The following ALG9 variants were observed in gnomAD, a reference collection of about 807,000 sequenced individuals.
The protein encoded by ALG9 is ALG9 alpha-1,2-mannosyltransferase.
A neutral mutation model predicts 81.8 loss-of-function variants in ALG9; 55 were observed. That is an observed-to-expected ratio of 0.67 (90% confidence interval 0.54 to 0.84). The LOEUF (loss-of-function observed/expected upper bound fraction) is 0.84. Among genes scored for constraint, ALG9 ranks in the 40% least tolerant of loss-of-function variants. ALG9 has a pLI of 0.00. For synonymous variants in ALG9, 278 were observed against 274.3 expected (o/e 1.01, Z -0.13); for missense variants, 629 against 745.0 (o/e 0.84, Z 1.81).
chr11:111,836,066 T>C, intron 13 of ALG9, 99 bp downstream of exon 13: 1 of 1,566,398 alleles, frequency 6.4e-7, no homozygotes, highest in Non-Finnish European at 8.8e-7. Context: ...AATTGCTTTC[T>C]AAGAAATTCT....
intron 14 of ALG9, among the ~76,000 whole-genome samples, chr11:111,808,056 G>A (rs1950186385): frequency 6.6e-6 from 1 of 152,150 alleles, no homozygotes; most frequent in Non-Finnish European, 1.5e-5. Flanking sequence ...GTGACAGAGT[G>A]AGACTATCTC....
chr11:111,870,302 G>A lies in ALG9; in HGVS notation c.200C>T (p.Ser67Leu), dbSNP rs1443896823. Residue 67 changes from serine to leucine, a missense_variant, in exon 2 of 15, where the codon TCA (serine) becomes TTA (leucine). Around this residue, in one of 3 missense-constraint regions of ALG9, gnomAD observed 344 missense variants for 390.5 expected, o/e 0.88. Transcript: ENST00000616540. ...CAGGAGAGCAGCACATAACCTTGCT[G>A]AAAGCAGACACTTGAAAGCAGTAGA... The part of the protein sequence containing the change: ...EGSTAFKCLL[S>L]ARLCAALLSN... 1 of 1,586,790 alleles carries A rather than the reference G, an allele frequency of 6.3e-7. No homozygotes were observed. Among genetic ancestry groups the A allele is most frequent in the Non-Finnish European group, 8.6e-7 (1 of 1,167,784 alleles).
intron 14 of ALG9, among the ~76,000 whole-genome samples, chr11:111,789,571 G>A (rs1591789396): frequency 6.6e-6 from 1 of 151,654 alleles, no homozygotes; most frequent in Non-Finnish European, 1.5e-5. Context: ...GTTGGACGCG[G>A]TGGCTCATGC....
chr11:111,855,289 GGTCA>G (rs1555142337), intron 6 of ALG9, among the ~76,000 whole-genome samples: 2 of 152,192 alleles, frequency 1.3e-5, no homozygotes, highest in East Asian at 1.9e-4. Flanking sequence ...TACAAAAACA[GGTCA>G]GTCGGCCAAC....
At position 111,840,660 on chromosome 11, in the gene ALG9, G is replaced by A; in HGVS notation, c.1168C>T (p.Leu390Phe). 1 of 1,613,988 alleles carries A rather than the reference G, an allele frequency of 6.2e-7. No individual in the cohort carries two copies. The highest frequency in any genetic ancestry group is 8.5e-7 in the Non-Finnish European group (1 of 1,179,960). Residue 390 changes from leucine (L) to phenylalanine (F), a missense_variant, in exon 10 of 15, where the codon CTT becomes TTT. Transcript: ENST00000616540. The part of the protein sequence containing the change: ...CLCGAVALSA[L>F]QHSFLYFQKC... ...CACTTCTCCCTGAAACTCACCTGAA[G>A]TGCAGAGAGAGCCACAGCGCCACAG...
chr11:111,808,625 G>A (rs1256276057), intron 14 of ALG9, among the ~76,000 whole-genome samples: 1 of 152,040 alleles, frequency 6.6e-6, no homozygotes, highest in African/African-American at 2.4e-5. Flanking sequence ...TGCTTACTTC[G>A]TCTTTCTGGA....
chr11:111,782,220 C>CT lies in ALG9; in HGVS notation c.*4176dup, dbSNP rs1464841479. ...TCAAACTGCTACAATTTATTTAACT[C>CT]TTTCTTTCACAGGAAATATAAGTAT... On this transcript the variant is annotated 3_prime_UTR_variant, in exon 15 of 15. Coordinates refer to ENST00000616540, the MANE Select transcript of ALG9 (RefSeq NM_024740.2). The CT allele has an allele frequency of 1.3e-5, 2 of 152,212 alleles. No individual in the cohort carries two copies. Among genetic ancestry groups the CT allele is most frequent in the African/African-American group, 2.4e-5 (1 of 41,454 alleles). 9.4% of individuals were successfully genotyped at this position (152,212 alleles called of 1,614,324 possible). A position where few individuals can be genotyped will look rare whatever the true frequency, so the allele number is the denominator to read the frequency against.
At chr11:111,836,334 A>T in intron 12 of ALG9, 40 bp from the exon 13 acceptor site, 1 of 1,611,986 alleles carries the variant, frequency 6.2e-7, no homozygotes, top group South Asian at 1.1e-5. Flanking sequence ...ACACAGGGGG[A>T]TAATATTGCT....
chr11:111,833,148 G>A (rs531222101), intron 13 of ALG9, among the ~76,000 whole-genome samples: 5 of 152,074 alleles, frequency 3.3e-5, no homozygotes, highest in African/African-American at 1.2e-4. Context: ...TTCCTCCAAG[G>A]TTTCATCCAT....
intron 14 of ALG9, among the ~76,000 whole-genome samples, chr11:111,808,014 G>A (rs1226058755): frequency 1.3e-5 from 2 of 152,178 alleles, no homozygotes; most frequent in Admixed American, 1.3e-4. Context: ...AGGTTACAGT[G>A]AGCTGAGATT....
At chr11:111,860,087 C>T (rs1566198430) in intron 5 of ALG9, among the ~76,000 whole-genome samples, 1 of 152,142 alleles carries the variant, frequency 6.6e-6, no homozygotes, top group Non-Finnish European at 1.5e-5. Flanking sequence ...AATAATGTAT[C>T]ATCAGTAGAA....
At chr11:111,839,869 T>G (rs1555121931) in intron 10 of ALG9, among the ~76,000 whole-genome samples, 2 of 152,110 alleles carry the variant, frequency 1.3e-5, no homozygotes, top group African/African-American at 4.8e-5. Context: ...TATGTTTCCA[T>G]GTATAGGAAA....
At chr11:111,836,402 A>C in intron 12 of ALG9, 108 bp from the exon 13 acceptor site, 3 of 1,450,280 alleles carry the variant, frequency 2.1e-6, no homozygotes, top group Non-Finnish European at 2.8e-6. Context: ...TCTCTTGAAG[A>C]AAAAATATTT....
At chr11:111,806,212 T>C (rs1305644644) in intron 14 of ALG9, among the ~76,000 whole-genome samples, 4 of 152,178 alleles carry the variant, frequency 2.6e-5, no homozygotes, top group African/African-American at 9.7e-5. Flanking sequence ...TCACTTTTCC[T>C]GACACCCACC....
At chr11:111,808,587 G>C (rs552758193) in intron 14 of ALG9, among the ~76,000 whole-genome samples, 26 of 152,200 alleles carry the variant, frequency 1.7e-4, no homozygotes, top group African/African-American at 6.3e-4. Flanking sequence ...TCAATATTCT[G>C]TTTCCTCAGG....
At chr11:111,838,463 AGCG>A in intron 10 of ALG9, 64 bp from the exon 11 acceptor site, 2 of 1,442,158 alleles carry the variant, frequency 1.4e-6, no homozygotes, top group African/African-American at 1.4e-5. Context: ...TAACATCAAG[AGCG>A]AAGCCAAAAA....
At position 111,844,665 on chromosome 11, in the gene ALG9, A is replaced by G. The variant is rs1272245724; in HGVS notation, c.954T>C (p.Phe318=). 8 of 1,613,970 alleles carry G rather than the reference A, an allele frequency of 5.0e-6. No individual in the cohort carries two copies. Among genetic ancestry groups the G allele is most frequent in the Non-Finnish European group, 6.8e-6 (8 of 1,179,936 alleles). ...INGFLNFNVA[F]ALALLVLPLT... is the part of the protein sequence containing the mutation. ...GTGGTAGGACTAGGAGAGCCAAAGC[A>G]AAGGCTACATTGAAATTCAGAAATC... The change falls in exon 9 of 15, where the codon TTT becomes TTC. Residue 318 remains phenylalanine, a synonymous_variant. Transcript: ENST00000616540.
intron 12 of ALG9, 113 bp downstream of exon 12, chr11:111,837,355 T>C (rs1428333264): frequency 2.0e-5 from 25 of 1,278,964 alleles, no homozygotes; most frequent in Middle Eastern, 2.7e-4. Context: ...TGGTAGATAA[T>C]TCAATAACTC....
In ALG9 at chr11:111,809,782, GAGAA is replaced by G; in HGVS notation, c.1603-13_1603-10del. 6.2e-7 allele frequency: 1 copy of G among 1,613,772 alleles called. No homozygotes were observed. The highest frequency in any genetic ancestry group is 8.5e-7 in the Non-Finnish European group (1 of 1,179,780). On this transcript the variant is annotated splice_polypyrimidine_tract_variant and intron_variant, in intron 13 of 14. Coordinates refer to ENST00000616540, the MANE Select transcript of ALG9 (RefSeq NM_024740.2). Reference sequence around the variant, plus strand: ...CATTTACTGATATCAATCTGAAATGGAGAAAGGCCAACTCTTCATTAGTAATTTT... The same window carrying G: ...CATTTACTGATATCAATCTGAAATGGAGGCCAACTCTTCATTAGTAATTTT...
Sources: gnomAD v4.1 joint callset for allele counts (sites outside exome capture counted in the v4.1 genomes callset) on GRCh38, gnomAD v4.1.1 for gene constraint, gnomAD v4.1.1 regional missense constraint, MANE v1.5 for transcripts, NCBI Gene and HGNC (gene_info 2026-07-23, HGNC 2026-07-21) for gene names.